Variants in METTL24 observed in about 807,000 individuals in gnomAD.
METTL24 encodes methyltransferase like 24.
In METTL24, 29 loss-of-function variants were observed where a neutral mutation model predicts 32.7. The ratio of observed to expected loss-of-function variants is 0.89; its 90% CI spans 0.66 to 1.21. The LOEUF (loss-of-function observed/expected upper bound fraction) is 1.21, where lower values mean the gene tolerates loss of function less well. Ranked by LOEUF, METTL24 falls within the 50% of genes most tolerant of loss-of-function variation. The pLI is 0.00. For missense variants in METTL24, 439 were observed against 468.1 expected, an observed-to-expected ratio of 0.94 and a Z score of 0.57; for synonymous variants, 163 against 179.5, an observed-to-expected ratio of 0.91 and a Z score of 0.73.
At chr6:110,295,794 AAAGG>A (rs71018387) in intron 4 of METTL24, among the ~76,000 whole-genome samples, 9,726 of 136,246 alleles carry the variant, frequency 0.071, 430 homozygotes, top group Middle Eastern at 0.11. Context: ...AGAAAGAAAG[AAAGG>A]AAGGAAGGAA....
At chr6:110,286,535 G>T (rs999808180) in intron 4 of METTL24, among the ~76,000 whole-genome samples, 1 of 152,158 alleles carries the variant, frequency 6.6e-6, no homozygotes, top group Non-Finnish European at 1.5e-5. Flanking sequence ...AGTCTAAGCC[G>T]CACACAGTCG....
At chr6:110,341,096 T>G (rs1053854966) in intron 1 of METTL24, among the ~76,000 whole-genome samples, 2 of 152,214 alleles carry the variant, frequency 1.3e-5, no homozygotes, top group African/African-American at 4.8e-5. Context: ...ATACACATAT[T>G]TATTTTAATT....
intron 4 of METTL24, among the ~76,000 whole-genome samples, chr6:110,273,394 G>A (rs1770990853): frequency 6.6e-6 from 1 of 151,678 alleles, no homozygotes; most frequent in South Asian, 2.1e-4. Context: ...CAAAGAACAT[G>A]AGCACAGCAA....
chr6:110,257,716 C>T (rs1452378486), intron 4 of METTL24, among the ~76,000 whole-genome samples: 1 of 152,260 alleles, frequency 6.6e-6, no homozygotes, highest in African/African-American at 2.4e-5. Flanking sequence ...TGGCTGATAA[C>T]ACCAGGTGAG....
chr6:110,353,609 C>T (rs563894257), intron 1 of METTL24, among the ~76,000 whole-genome samples: 5 of 144,774 alleles, frequency 3.5e-5, no homozygotes, highest in African/African-American at 1.3e-4. Flanking sequence ...AACTAACGAA[C>T]CAAGCCAGCA....
intron 4 of METTL24, among the ~76,000 whole-genome samples, chr6:110,278,445 T>C (rs1771083450): frequency 6.6e-6 from 1 of 152,176 alleles, no homozygotes; most frequent in African/African-American, 2.4e-5. Flanking sequence ...GTAAGTTTAA[T>C]TTTTCTGTGA....
At chr6:110,272,741 A>G (rs183376285) in intron 4 of METTL24, among the ~76,000 whole-genome samples, 4 of 152,044 alleles carry the variant, frequency 2.6e-5, no homozygotes, top group African/African-American at 9.6e-5. Flanking sequence ...ATTTTTTCAT[A>G]TATTTGTTGG....
At chr6:110,282,380 A>G (rs1478342084) in intron 4 of METTL24, among the ~76,000 whole-genome samples, 1 of 152,164 alleles carries the variant, frequency 6.6e-6, no homozygotes, top group Non-Finnish European at 1.5e-5. Context: ...ACTACTTAAT[A>G]AATAGTGCCC....
intron 4 of METTL24, among the ~76,000 whole-genome samples, chr6:110,287,033 C>T (rs190281061): frequency 2.8e-4 from 42 of 152,270 alleles, no homozygotes; most frequent in Non-Finnish European, 8.8e-5. Context: ...TCCATTGGCT[C>T]TGTCCCTCTG....
intron 4 of METTL24, among the ~76,000 whole-genome samples, chr6:110,273,221 C>T (rs986262107): frequency 3.3e-5 from 5 of 152,106 alleles, no homozygotes; most frequent in African/African-American, 9.7e-5. Flanking sequence ...TTGAATAGAG[C>T]GTCCTTTCCC....
At chr6:110,302,857 A>T (rs529497895) in intron 3 of METTL24, among the ~76,000 whole-genome samples, 55 of 152,276 alleles carry the variant, frequency 3.6e-4, no homozygotes, top group African/African-American at 1.3e-3. Context: ...GTAAATTGAA[A>T]AGAGTTTCTG....
At chr6:110,288,511 T>C (rs1771263652) in intron 4 of METTL24, among the ~76,000 whole-genome samples, 1 of 152,206 alleles carries the variant, frequency 6.6e-6, no homozygotes, top group South Asian at 2.1e-4. Flanking sequence ...CACAAGTCTA[T>C]GGACATTATT....
intron 3 of METTL24, among the ~76,000 whole-genome samples, chr6:110,310,345 T>G (rs1222585156): frequency 6.6e-6 from 1 of 152,144 alleles, no homozygotes; most frequent in Non-Finnish European, 1.5e-5. Context: ...CGCCTACCCC[T>G]AAAATACAAT....
chr6:110,347,150 C>A (rs1390499912), intron 1 of METTL24, among the ~76,000 whole-genome samples: 1 of 152,092 alleles, frequency 6.6e-6, no homozygotes, highest in Non-Finnish European at 1.5e-5. Context: ...GGTAAAGAAT[C>A]CACTGTATAT....
At chr6:110,281,882 G>C (rs1251508832) in intron 4 of METTL24, among the ~76,000 whole-genome samples, 1 of 152,098 alleles carries the variant, frequency 6.6e-6, no homozygotes, top group Non-Finnish European at 1.5e-5. Flanking sequence ...TAAGGCAAAT[G>C]TAGTGAAAAG....
chr6:110,298,906 A>T lies in METTL24; in HGVS notation c.786+16T>A, dbSNP rs1771469986. 3 of 1,609,054 alleles carry T rather than the reference A, an allele frequency of 1.9e-6. No individual in the cohort carries two copies. Among genetic ancestry groups the T allele is most frequent in the Non-Finnish European group, 2.6e-6 (3 of 1,175,826 alleles). Reference sequence around the variant, plus strand: ...GTTTACTTTATTCAAGTATAAAATCAAATGAAAAACCTCACCTTGTGATGT... The same window carrying T: ...GTTTACTTTATTCAAGTATAAAATCTAATGAAAAACCTCACCTTGTGATGT... On this transcript the variant is annotated intron_variant, in intron 4 of 4. Coordinates refer to ENST00000338882, the MANE Select transcript of METTL24 (RefSeq NM_001123364.3).
chr6:110,299,884 G>A (rs1771489319), intron 3 of METTL24, among the ~76,000 whole-genome samples: 1 of 152,034 alleles, frequency 6.6e-6, no homozygotes, highest in Admixed American at 6.6e-5. Context: ...TAAAACACCA[G>A]TTTTAATGAA....
chr6:110,322,192 TG>T (rs1771940646), intron 2 of METTL24, among the ~76,000 whole-genome samples: 1 of 152,302 alleles, frequency 6.6e-6, no homozygotes, highest in Admixed American at 6.5e-5. Flanking sequence ...AGCCTGGAGC[TG>T]GGCAGGAACT....
chr6:110,314,028 C>T (rs1274652235), intron 3 of METTL24, among the ~76,000 whole-genome samples: 1 of 152,090 alleles, frequency 6.6e-6, no homozygotes, highest in African/African-American at 2.4e-5. Flanking sequence ...TATAGTTTGA[C>T]AGTGATGATG....
Sources: gnomAD v4.1 joint callset for allele counts (sites outside exome capture counted in the v4.1 genomes callset) on GRCh38, gnomAD v4.1.1 for gene constraint, MANE v1.5 for transcripts, NCBI Gene and HGNC (gene_info 2026-07-23, HGNC 2026-07-21) for gene names.